Variants in HACE1 observed in about 807,000 individuals in gnomAD.
HACE1 encodes the protein E3 ubiquitin-protein ligase HACE1.
A neutral mutation model predicts 118.4 loss-of-function variants in HACE1; 73 were observed. The ratio of observed to expected loss-of-function variants is 0.62; its 90% CI spans 0.51 to 0.75. The LOEUF is 0.75. Among genes scored for constraint, HACE1 ranks in the 30% least tolerant of loss-of-function variants. The pLI, the probability that HACE1 is intolerant of heterozygous loss-of-function variation, is 0.00. For missense variants in HACE1, 749 were observed against 1,102.2 expected (o/e 0.68, Z 4.54); for synonymous variants, 368 against 374.8 (o/e 0.98, Z 0.21).
chr6:104,760,613 A>G (rs145958523), intron 19 of HACE1, among the ~76,000 whole-genome samples: 225 of 152,326 alleles, frequency 1.5e-3, no homozygotes, highest in African/African-American at 5.1e-3. Flanking sequence ...AAAAACGGGA[A>G]GCATTCTCTT....
intron 22 of HACE1, among the ~76,000 whole-genome samples, chr6:104,736,281 T>A (rs897519055): frequency 5.3e-4 from 81 of 151,712 alleles, no homozygotes; most frequent in South Asian, 2.1e-3. Flanking sequence ...TTTATTATTT[T>A]TTATTATTAT....
intron 4 of HACE1, 60 bp downstream of exon 4, chr6:104,849,082 C>A: frequency 1.1e-6 from 1 of 944,312 alleles, no homozygotes; most frequent in Non-Finnish European, 1.8e-6. Context: ...CAAACGAAGG[C>A]AAAGTGCCTT....
intron 19 of HACE1, among the ~76,000 whole-genome samples, chr6:104,767,677 T>C (rs1195632739): frequency 1.3e-5 from 2 of 152,180 alleles, no homozygotes; most frequent in Non-Finnish European, 2.9e-5. Context: ...CCACATCATC[T>C]TTTTCTACTT....
At position 104,730,159 on chromosome 6, in the gene HACE1, A is replaced by G. The variant is rs903591477; in HGVS notation, c.2627+144T>C. On this transcript the variant is annotated intron_variant, in intron 23 of 23. Coordinates refer to ENST00000262903, the MANE Select transcript of HACE1 (RefSeq NM_020771.4). ...CAAAAACAGGGGCACAAAAAACTACATAATTACTCATCAGTGATTCCAAAA... is the reference window on the plus strand; with the variant it reads ...CAAAAACAGGGGCACAAAAAACTACGTAATTACTCATCAGTGATTCCAAAA... 4.5e-6 allele frequency: 3 copies of G among 672,612 alleles called. No individual in the cohort carries two copies. In the African/African-American group the frequency reaches 5.3e-5, roughly 12 times the overall value. 41.7% of individuals were successfully genotyped at this position (672,612 alleles called of 1,614,324 possible).
At chr6:104,851,422 C>T (rs1776195246) in intron 2 of HACE1, among the ~76,000 whole-genome samples, 2 of 152,190 alleles carry the variant, frequency 1.3e-5, no homozygotes, top group African/African-American at 4.8e-5. Context: ...CCCACACCCA[C>T]CACAAAATAC....
At chr6:104,845,926 T>A (rs557263927) in intron 4 of HACE1, 11 of 152,364 alleles carry the variant, frequency 7.2e-5, no homozygotes, top group African/African-American at 2.6e-4. Context: ...AAATGTGTGA[T>A]CGTGTGTCTA....
intron 13 of HACE1, 113 bp from the exon 14 acceptor site, chr6:104,784,286 T>G: frequency 1.2e-6 from 1 of 868,190 alleles, no homozygotes; most frequent in Middle Eastern, 2.2e-4. Flanking sequence ...ATAATCCATA[T>G]CTATTAAAGT....
At chr6:104,766,350 C>T (rs1272119405) in intron 19 of HACE1, among the ~76,000 whole-genome samples, 1 of 151,978 alleles carries the variant, frequency 6.6e-6, no homozygotes, top group Non-Finnish European at 1.5e-5. Flanking sequence ...TCTGAGTGCC[C>T]CCTGGTCATA....
At chr6:104,745,372 TCACAGTTAGAGATGCTTACATAGTCA>T (rs1405102446) in intron 20 of HACE1, among the ~76,000 whole-genome samples, 1 of 151,930 alleles carries the variant, frequency 6.6e-6, no homozygotes, top group Admixed American at 6.6e-5. Flanking sequence ...AGTCCATATA[TCACAGTTAGAGATGCTTACATAGTCA>T]GGGGAGGCAA....
chr6:104,796,852 T>C (rs928334317), intron 8 of HACE1, 77 bp downstream of exon 8: 15 of 1,118,424 alleles, frequency 1.3e-5, no homozygotes, highest in Non-Finnish European at 1.8e-5. Flanking sequence ...TACCCTTTCA[T>C]TGAAAAAATA....
At chr6:104,800,015 G>A (rs181892107) in intron 7 of HACE1, among the ~76,000 whole-genome samples, 84 of 152,220 alleles carry the variant, frequency 5.5e-4, no homozygotes, top group African/African-American at 1.6e-3. Flanking sequence ...AAAATACGGC[G>A]CTTTTCCCAA....
At chr6:104,739,883 T>C (rs1354374071) in intron 22 of HACE1, among the ~76,000 whole-genome samples, 8 of 151,906 alleles carry the variant, frequency 5.3e-5, no homozygotes, top group Non-Finnish European at 7.4e-5. Flanking sequence ...AGCACCACAC[T>C]ACACCTATTC....
intron 22 of HACE1, chr6:104,730,684 G>A (rs1411824336): frequency 4.9e-6 from 2 of 408,892 alleles, no homozygotes; most frequent in South Asian, 2.4e-5. Context: ...CATTTAGTAT[G>A]CTACATTTAC....
chr6:104,858,994 T>G (rs1430200394), intron 1 of HACE1, among the ~76,000 whole-genome samples: 1 of 152,212 alleles, frequency 6.6e-6, no homozygotes, highest in East Asian at 1.9e-4. Flanking sequence ...AAATGAAGAA[T>G]GAAGGCAGGC....
chr6:104,810,986 A>G (rs536061084), intron 7 of HACE1, among the ~76,000 whole-genome samples: 72 of 151,978 alleles, frequency 4.7e-4, no homozygotes, highest in Non-Finnish European at 8.0e-4. Flanking sequence ...TACTTAGTCT[A>G]AAATTGAAGT....
intron 6 of HACE1, among the ~76,000 whole-genome samples, chr6:104,822,789 G>A (rs528731117): frequency 2.6e-5 from 4 of 151,992 alleles, no homozygotes; most frequent in Middle Eastern, 3.4e-3. Context: ...CTCAGGAGGC[G>A]GAGGTTGCAG....
At chr6:104,810,331 C>T (rs1394441367) in intron 7 of HACE1, among the ~76,000 whole-genome samples, 2 of 151,796 alleles carry the variant, frequency 1.3e-5, no homozygotes, top group Non-Finnish European at 2.9e-5. Flanking sequence ...TCATCAAAGG[C>T]ACATCAGAGA....
chr6:104,837,633 C>G (rs148603174), intron 5 of HACE1, among the ~76,000 whole-genome samples: 11 of 152,252 alleles, frequency 7.2e-5, no homozygotes, highest in African/African-American at 2.6e-4. Flanking sequence ...AAAAACTGAT[C>G]AATTTGACTT....
intron 17 of HACE1, among the ~76,000 whole-genome samples, chr6:104,772,615 C>T (rs897797893): frequency 6.6e-6 from 1 of 152,110 alleles, no homozygotes; most frequent in Non-Finnish European, 1.5e-5. Flanking sequence ...GAACTTGATG[C>T]CTGTTAACAA....
Sources: allele counts gnomAD v4.1 joint callset (sites outside exome capture counted in the v4.1 genomes callset), GRCh38; gene constraint gnomAD v4.1.1; transcripts MANE v1.5; gene names NCBI Gene and HGNC (gene_info 2026-07-23, HGNC 2026-07-21).